The following STK39 variants were observed in gnomAD, a reference collection of about 807,000 sequenced individuals.
STK39 encodes serine/threonine kinase 39.
In STK39, 20 loss-of-function variants were observed where a neutral mutation model predicts 77.8. The observed-to-expected ratio is 0.26, with a 90% CI of 0.18 to 0.37. The LOEUF is 0.37. STK39 is among the 10% of genes least tolerant of loss of function. The pLI is 1.00. For missense variants in STK39, 479 were observed against 656.5 expected, an observed-to-expected ratio of 0.73 and a Z score of 2.95; for synonymous variants, 246 against 234.1, an observed-to-expected ratio of 1.05 and a Z score of -0.47.
chr2:167,988,381 C>T (rs1239511480), intron 16 of STK39, among the ~76,000 whole-genome samples: 1 of 152,152 alleles, frequency 6.6e-6, no homozygotes, highest in Non-Finnish European at 1.5e-5. Context: ...CATCAAAAAG[C>T]TCTCCATGTT....
chr2:168,139,844 A>G (rs1172050576), intron 7 of STK39, among the ~76,000 whole-genome samples: 1 of 152,182 alleles, frequency 6.6e-6, no homozygotes, highest in African/African-American at 2.4e-5. Context: ...AGTTGCCAAC[A>G]TTACACTATA....
intron 14 of STK39, among the ~76,000 whole-genome samples, chr2:168,033,424 T>C (rs1285090761): frequency 6.6e-6 from 1 of 152,174 alleles, no homozygotes; most frequent in Non-Finnish European, 1.5e-5. Context: ...GAGCCAACAG[T>C]CAACATTTGG....
At chr2:168,232,589 A>G (rs1471318419) in intron 1 of STK39, among the ~76,000 whole-genome samples, 4 of 152,170 alleles carry the variant, frequency 2.6e-5, no homozygotes. Flanking sequence ...AAAGCTGCCT[A>G]TATTATCTAT....
At chr2:168,078,548 C>A (rs1035411991) in intron 10 of STK39, among the ~76,000 whole-genome samples, 1 of 152,138 alleles carries the variant, frequency 6.6e-6, no homozygotes, top group South Asian at 2.1e-4. Flanking sequence ...AGGCACCTGG[C>A]CCCTGACACA....
At chr2:168,081,566 C>A (rs558670797) in intron 10 of STK39, among the ~76,000 whole-genome samples, 8 of 152,192 alleles carry the variant, frequency 5.3e-5, no homozygotes, top group African/African-American at 1.9e-4. Context: ...GGACTGTGGA[C>A]TTTTGAGTTA....
intron 12 of STK39, among the ~76,000 whole-genome samples, chr2:168,067,459 C>G (rs148941277): frequency 6.5e-4 from 99 of 152,346 alleles, no homozygotes; most frequent in African/African-American, 2.3e-3. Context: ...TCACCTTCCA[C>G]CATGAGCAAA....
intron 5 of STK39, among the ~76,000 whole-genome samples, chr2:168,155,576 A>G (rs528727846): frequency 1.9e-4 from 29 of 150,916 alleles, no homozygotes; most frequent in African/African-American, 5.6e-4. Context: ...CCCCACCCCA[A>G]CAGATTTTAA....
In STK39 at chr2:168,054,787, AACT is replaced by A. The variant is rs1437365845; in HGVS notation, c.1376+8710_1376+8712del. ...GGTTGTTGAAAAAAACAAAAAAAAA[AACT>A]CACACACACACAAAAAACAATACCA... On this transcript the variant is annotated intron_variant, in intron 14 of 17. Coordinates refer to ENST00000355999, the MANE Select transcript of STK39 (RefSeq NM_013233.3). Among the ~76,000 whole-genome samples the A allele has an allele frequency of 4.6e-5, 7 of 151,938 alleles. No individual in the cohort carries two copies. The East Asian group carries it at 1.3e-3, about 29-fold the overall frequency.
chr2:168,030,063 AC>A (rs1301582117), intron 14 of STK39, among the ~76,000 whole-genome samples: 1 of 151,690 alleles, frequency 6.6e-6, no homozygotes, highest in Non-Finnish European at 1.5e-5. Flanking sequence ...ACACGGTGAA[AC>A]CCCGTCTCTA....
intron 14 of STK39, among the ~76,000 whole-genome samples, chr2:168,037,612 G>A (rs1684991390): frequency 1.3e-5 from 2 of 152,108 alleles, no homozygotes; most frequent in South Asian, 4.1e-4. Context: ...GCAATCCTAA[G>A]TGTAAAAATT....
At chr2:168,016,407 A>AAAC (rs1434617783) in intron 15 of STK39, among the ~76,000 whole-genome samples, 6 of 150,862 alleles carry the variant, frequency 4.0e-5, no homozygotes, top group African/African-American at 1.2e-4. Flanking sequence ...AAAAAAAAAA[A>AAAC]AAAAAACAAC....
At chr2:168,021,296 G>A (rs1192861534) in intron 14 of STK39, among the ~76,000 whole-genome samples, 4 of 152,168 alleles carry the variant, frequency 2.6e-5, no homozygotes, top group Non-Finnish European at 5.9e-5. Flanking sequence ...TGTGGTTCAA[G>A]TTATGGAGGC....
rs1452586379 is a variant in STK39 at position 167,956,724 on chromosome 2, TCTCTC to T, written c.1564-1159_1564-1155del. ...CTCTCTCTCTCTCTCTCTCTCTCTC[TCTCTC>T]CCCCCCCGCCCCCTCAGATCCACCA... On this transcript the variant is annotated intron_variant, in intron 17 of 17. Coordinates refer to ENST00000355999, the MANE Select transcript of STK39 (RefSeq NM_013233.3). 1.5e-4 allele frequency among the ~76,000 whole-genome samples: 8 copies of T among 52,414 alleles called. No homozygotes were observed. In the East Asian group the frequency reaches 2.4e-3, roughly 16 times the overall value. The allele number at this position is 52,414 out of a possible 152,430, so 34.4% of individuals were successfully genotyped here. A position where few individuals can be genotyped will look rare whatever the true frequency, so the allele number is the denominator to read the frequency against.
chr2:168,160,629 T>C (rs1055403229), intron 5 of STK39, among the ~76,000 whole-genome samples: 1 of 152,148 alleles, frequency 6.6e-6, no homozygotes, highest in African/African-American at 2.4e-5. Context: ...AAACTGAGTC[T>C]TAAGAAGGTT....
chr2:168,075,047 AC>A (rs1686042446), intron 11 of STK39, 36 bp from the exon 12 acceptor site: 4 of 1,613,872 alleles, frequency 2.5e-6, no homozygotes, highest in African/African-American at 1.3e-5. Flanking sequence ...ATATATATAC[AC>A]ACACACAATC....
At chr2:167,995,023 A>C (rs1683796844) in intron 16 of STK39, among the ~76,000 whole-genome samples, 1 of 151,934 alleles carries the variant, frequency 6.6e-6, no homozygotes, top group African/African-American at 2.4e-5. Flanking sequence ...GACTACATGA[A>C]GTCTACAGTA....
intron 14 of STK39, among the ~76,000 whole-genome samples, chr2:168,021,841 A>G (rs1384425390): frequency 6.6e-6 from 1 of 152,008 alleles, no homozygotes; most frequent in African/African-American, 2.4e-5. Context: ...TAAAAGGTAC[A>G]ATAGGGCATT....
chr2:168,002,096 T>G (rs114049659), intron 16 of STK39, among the ~76,000 whole-genome samples: 1 of 152,252 alleles, frequency 6.6e-6, no homozygotes, highest in Non-Finnish European at 1.5e-5. Context: ...TTAGTAGATA[T>G]CTACAACTAA....
intron 4 of STK39, 143 bp downstream of exon 4, chr2:168,163,596 T>C (rs1370908532): frequency 6.3e-7 from 1 of 1,583,832 alleles, no homozygotes; most frequent in Non-Finnish European, 8.5e-7. Flanking sequence ...AAACTAGGGC[T>C]GAAGATATGA....
Sources: gnomAD v4.1 joint callset for allele counts (sites outside exome capture counted in the v4.1 genomes callset) on GRCh38, gnomAD v4.1.1 for gene constraint, MANE v1.5 for transcripts, NCBI Gene and HGNC (gene_info 2026-07-23, HGNC 2026-07-21) for gene names.